Variants in DCP1B observed in about 807,000 individuals in gnomAD.
The protein encoded by DCP1B is mRNA-decapping enzyme 1B.
DCP1B carries 47 observed loss-of-function variants against 60.5 expected under a neutral mutation model. That is an observed-to-expected ratio of 0.78 (90% CI 0.61 to 0.99). The LOEUF is 0.99. Among genes scored for constraint, DCP1B ranks in the 50% least tolerant of loss-of-function variants. The probability of loss-of-function intolerance (pLI) is 0.00; values close to 1 mark genes in which losing one functional copy is unlikely to be tolerated. For synonymous variants in DCP1B, 267 were observed against 280.3 expected (o/e 0.95, Z 0.47); for missense variants, 725 against 756.8 (o/e 0.96, Z 0.49).
intron 8 of DCP1B, among the ~76,000 whole-genome samples, chr12:1,947,249 C>T (rs1029493281): frequency 7.9e-5 from 12 of 152,192 alleles, no homozygotes; most frequent in South Asian, 2.1e-4. Context: ...TTCTCCCTCC[C>T]ACCCAAATTC....
chr12:1,945,552 T>G (rs541891097), downstream of DCP1B, among the ~76,000 whole-genome samples: 1 of 152,298 alleles, frequency 6.6e-6, no homozygotes, highest in African/African-American at 2.4e-5. Context: ...AATCAAAGGA[T>G]TATCATTCCA....
intron 1 of DCP1B, 198 bp downstream of exon 1, chr12:2,004,084 G>A: frequency 1.4e-6 from 1 of 717,890 alleles, no homozygotes; most frequent in South Asian, 1.8e-5. Context: ...CCCAACTCCA[G>A]GTAGCTCCAC....
At chr12:1,950,929 G>A (rs1362883225) in intron 7 of DCP1B, among the ~76,000 whole-genome samples, 2 of 152,114 alleles carry the variant, frequency 1.3e-5, no homozygotes, top group East Asian at 3.9e-4. Flanking sequence ...TTACAGGCAC[G>A]AGTCACCATG....
chr12:1,960,845 C>T lies in DCP1B; in HGVS notation c.522+4713G>A, dbSNP rs182515862. ...GAACACTTTAAGTAACGGAGACTCA[C>T]TTCCCAACAAGAACTCTGAAGGAAC... On this transcript the variant is annotated intron_variant, in intron 5 of 8. Transcript: ENST00000280665. 4.0e-3 allele frequency among the ~76,000 whole-genome samples: 615 copies of T among 152,324 alleles called. 1 individual carries two copies. Among genetic ancestry groups the T allele is most frequent in the Non-Finnish European group, 4.8e-3 (326 of 68,036 alleles).
chr12:1,994,057 T>C (rs1367517549), intron 2 of DCP1B, among the ~76,000 whole-genome samples: 1 of 152,262 alleles, frequency 6.6e-6, no homozygotes, highest in Non-Finnish European at 1.5e-5. Flanking sequence ...CATTTAGTGA[T>C]GTTTTATTTT....
chr12:2,004,267 C>T lies in DCP1B; in HGVS notation c.150+15G>A. 6 of 1,612,688 alleles carry T rather than the reference C, an allele frequency of 3.7e-6. No individual in the cohort carries two copies. The highest frequency in any genetic ancestry group is 5.1e-6 in the Non-Finnish European group (6 of 1,179,754). The stretch of plus-strand genomic sequence containing the variant: ...CCAACCCTGGGCTGCACTGCTCCGC[C>T]GCGTCCGCACGCACCCACTCGTTGG... On this transcript the variant is annotated intron_variant, in intron 1 of 8. Coordinates refer to ENST00000280665, the MANE Select transcript of DCP1B (RefSeq NM_152640.5).
intron 8 of DCP1B, among the ~76,000 whole-genome samples, chr12:1,946,702 T>C (rs954491358): frequency 6.6e-6 from 1 of 152,196 alleles, no homozygotes; most frequent in African/African-American, 2.4e-5. Flanking sequence ...TTTTGTTTCT[T>C]GTTTTTTGGG....
At chr12:1,949,553 CA>C (rs1428389416) in intron 7 of DCP1B, among the ~76,000 whole-genome samples, 1 of 152,228 alleles carries the variant, frequency 6.6e-6, no homozygotes, top group Non-Finnish European at 1.5e-5. Context: ...CTATTCTTTC[CA>C]CTGCATATGC....
chr12:1,944,075 T>A (rs1318708142), downstream of DCP1B, among the ~76,000 whole-genome samples: 1 of 152,148 alleles, frequency 6.6e-6, no homozygotes, highest in Non-Finnish European at 1.5e-5. Flanking sequence ...CATAAGCAAT[T>A]TCAGCAAAGT....
Position 1,962,067 on chromosome 12 carries a change from C to T in DCP1B, c.522+3491G>A, listed in dbSNP as rs905907752. Among the ~76,000 whole-genome samples, 7 of 152,104 alleles carry T rather than the reference C, an allele frequency of 4.6e-5. No individual in the cohort carries two copies. The highest frequency in any genetic ancestry group is 1.7e-4 in the African/African-American group (7 of 41,418). ...CAGGGTGTCAGCAGCAAGGGGAAGG[C>T]GTAGGCTAGAGCATTTACTGAATTT... On this transcript the variant is annotated intron_variant, in intron 5 of 8. Transcript: ENST00000280665. This position sits in a 1 kb window ranked among gnomAD's most constrained non-coding sequence, Gnocchi z 4.4.
At chr12:1,998,562 A>G (rs1222327226) in intron 1 of DCP1B, among the ~76,000 whole-genome samples, 1 of 152,248 alleles carries the variant, frequency 6.6e-6, no homozygotes, top group African/African-American at 2.4e-5. Context: ...ACCCGAGATC[A>G]CTGAAGTAAA....
rs2031150615 is a variant in DCP1B, at chr12:1,962,202, C to T, written c.522+3356G>A. On this transcript the variant is annotated intron_variant, in intron 5 of 8. Coordinates refer to ENST00000280665, the MANE Select transcript of DCP1B (RefSeq NM_152640.5). This position sits in a 1 kb window ranked among gnomAD's most constrained non-coding sequence, Gnocchi z 4.4. ...TGGTCCCCAGTTGCTGGGTACCTGG[C>T]CCTGGGATGATTAAGGCAGAGGAAT... Among the ~76,000 whole-genome samples, 1 of 152,060 alleles carries T rather than the reference C, an allele frequency of 6.6e-6. No homozygotes were observed. Among genetic ancestry groups the T allele is most frequent in the Non-Finnish European group, 1.5e-5 (1 of 68,022 alleles).
downstream of DCP1B, chr12:1,946,052 G>A (rs1198747706): frequency 9.0e-6 from 5 of 553,764 alleles, no homozygotes; most frequent in Non-Finnish European, 1.5e-5. Flanking sequence ...AAACACTTGA[G>A]TATAAAAAAA....
At chr12:1,969,003 A>C (rs2031588720) in intron 3 of DCP1B, among the ~76,000 whole-genome samples, 1 of 152,218 alleles carries the variant, frequency 6.6e-6, no homozygotes, top group South Asian at 2.1e-4. Flanking sequence ...TGATGGCATT[A>C]ATCATCTAAG....
rs78563698 is a variant in DCP1B, at chr12:1,996,616, TAAAAAAAAAAAAAAAAAAAAAAAA to T, written c.191+1295_191+1318del. On this transcript the variant is annotated intron_variant, in intron 2 of 8. Coordinates refer to ENST00000280665, the MANE Select transcript of DCP1B (RefSeq NM_152640.5). The stretch of plus-strand genomic sequence containing the variant: ...AATACACTAATAATAGCTGATGAGC[TAAAAAAAAAAAAAAAAAAAAAAAA>T]AAAAAAAAAAAAAAACAACAAACTC... Among the ~76,000 whole-genome samples the T allele has an allele frequency of 8.0e-4, 15 of 18,844 alleles. No individual in the cohort carries two copies. In the South Asian group the frequency reaches 0.029, roughly 36 times the overall value. 12.4% of individuals were successfully genotyped at this position (18,844 alleles called of 152,430 possible).
chr12:1,950,068 C>G (rs558575139), intron 7 of DCP1B: 1 of 484,476 alleles, frequency 2.1e-6, no homozygotes, highest in South Asian at 3.4e-5. Context: ...CTATCATTTG[C>G]TTCTAACTCA....
intron 1 of DCP1B, among the ~76,000 whole-genome samples, chr12:2,002,701 G>T (rs2042446393): frequency 6.6e-6 from 1 of 152,126 alleles, no homozygotes; most frequent in African/African-American, 2.4e-5. Flanking sequence ...TCAACTTACA[G>T]AACTATACAT....
At chr12:1,989,944 T>C (rs1283760158) in intron 3 of DCP1B, among the ~76,000 whole-genome samples, 1 of 152,248 alleles carries the variant, frequency 6.6e-6, no homozygotes, top group Non-Finnish European at 1.5e-5. Flanking sequence ...AACTGATATA[T>C]GCTTGAATCT....
At position 1,982,767 on chromosome 12, in the gene DCP1B, C is replaced by T. The variant is rs145827267; in HGVS notation, c.319+10497G>A. Among the ~76,000 whole-genome samples the T allele has an allele frequency of 2.0e-3, 308 of 152,094 alleles. 2 individuals are homozygous for T. Among genetic ancestry groups the T allele is most frequent in the African/African-American group, 7.2e-3 (297 of 41,506 alleles). On this transcript the variant is annotated intron_variant, in intron 3 of 8. Transcript: ENST00000280665. The stretch of plus-strand genomic sequence containing the variant: ...ATTTTCTTTTCTTGAAATGTCTTTG[C>T]CTTGTTTTGGTATCAGGATAATGCT...
Sources: gnomAD v4.1 joint callset for allele counts (sites outside exome capture counted in the v4.1 genomes callset) on GRCh38, gnomAD v4.1.1 for gene constraint, Gnocchi (gnomAD v3.1) non-coding constraint, MANE v1.5 for transcripts, NCBI Gene and HGNC (gene_info 2026-07-23, HGNC 2026-07-21) for gene names.